Variants in ST8SIA2 observed in about 807,000 individuals in gnomAD.
ST8SIA2 encodes the protein ST8 alpha-N-acetyl-neuraminide alpha-2,8-sialyltransferase 2, also known as alpha-2,8-sialyltransferase 8B.
In ST8SIA2, 22 loss-of-function variants were observed where a neutral mutation model predicts 37.6. The ratio of observed to expected loss-of-function variants is 0.58; its 90% CI spans 0.42 to 0.83. The LOEUF is 0.83. Ranked by LOEUF, ST8SIA2 falls within the 40% of genes least tolerant of loss-of-function variation. The pLI is 0.00. For synonymous variants in ST8SIA2, 205 were observed against 201.2 expected, an observed-to-expected ratio of 1.02 and a Z score of -0.16; for missense variants, 382 against 484.7, an observed-to-expected ratio of 0.79 and a Z score of 1.99.
At chr15:92,450,447 A>C (rs1256089404) in intron 5 of ST8SIA2, among the ~76,000 whole-genome samples, 1 of 152,242 alleles carries the variant, frequency 6.6e-6, no homozygotes. Context: ...TAATTTATAA[A>C]GAAAAGAGGT....
rs1465277776 is a variant in ST8SIA2, at chr15:92,401,173, C to T, written c.98+7011C>T. Among the ~76,000 whole-genome samples the T allele has an allele frequency of 2.0e-5, 3 of 152,142 alleles. 1 individual carries two copies. Among genetic ancestry groups the T allele is most frequent in the African/African-American group, 4.8e-5 (2 of 41,430 alleles). ...GGAGGGACAGGAACATGAAAGCCAC[C>T]AGCTGGGTGAGTCAGGTGGCTATCT... On this transcript the variant is annotated intron_variant, in intron 1 of 5. Coordinates refer to ENST00000268164, the MANE Select transcript of ST8SIA2 (RefSeq NM_006011.4).
chr15:92,460,165 T>A (rs1034246777), intron 5 of ST8SIA2, among the ~76,000 whole-genome samples: 2 of 152,126 alleles, frequency 1.3e-5, no homozygotes, highest in African/African-American at 4.8e-5. Context: ...TCCTGACACT[T>A]CTTCTTTTTC....
In ST8SIA2 at chr15:92,448,540, C is replaced by T. The variant is rs555175144; in HGVS notation, c.842+3611C>T. 3.3e-3 allele frequency among the ~76,000 whole-genome samples: 499 copies of T among 152,318 alleles called. 4 individuals carry two copies. Among genetic ancestry groups the T allele is most frequent in the Non-Finnish European group, 5.3e-3 (358 of 68,028 alleles). ...TCAAAACCATGGGCTTTGGCAGTAG[C>T]GACACCTCCAAAGGGTCCAGACCCC... On this transcript the variant is annotated intron_variant, in intron 5 of 5. Coordinates refer to ENST00000268164, the MANE Select transcript of ST8SIA2 (RefSeq NM_006011.4).
chr15:92,451,540 C>T (rs1394324385), intron 5 of ST8SIA2, among the ~76,000 whole-genome samples: 2 of 152,136 alleles, frequency 1.3e-5, no homozygotes, highest in Admixed American at 6.5e-5. Flanking sequence ...GTTTGGCTGC[C>T]CCTTCACAAC....
At chr15:92,445,892 A>C (rs1287301963) in intron 5 of ST8SIA2, among the ~76,000 whole-genome samples, 2 of 152,164 alleles carry the variant, frequency 1.3e-5, no homozygotes, top group Non-Finnish European at 2.9e-5. Flanking sequence ...CCTCCCATTC[A>C]TGTGACCTGG....
At chr15:92,426,024 AAC>A (rs2049673158) in intron 1 of ST8SIA2, among the ~76,000 whole-genome samples, 1 of 152,112 alleles carries the variant, frequency 6.6e-6, no homozygotes, top group Admixed American at 6.5e-5. Flanking sequence ...AGACATGGTT[AAC>A]ACGCCCCCTC....
chr15:92,443,402 AGCAGAGGCTGCTCACCCAGGCAGCCT>A (rs2049817281), intron 4 of ST8SIA2, among the ~76,000 whole-genome samples: 1 of 152,240 alleles, frequency 6.6e-6, no homozygotes, highest in Non-Finnish European at 1.5e-5. Flanking sequence ...CAGGTTAAAT[AGCAGAGGCTGCTCACCCAGGCAGCCT>A]GATTGTCAGC....
At chr15:92,405,560 C>A (rs572202145) in intron 1 of ST8SIA2, among the ~76,000 whole-genome samples, 55 of 132,596 alleles carry the variant, frequency 4.1e-4, no homozygotes, top group African/African-American at 1.3e-3. Context: ...TCGGGACACA[C>A]TGACTTATTT....
At chr15:92,423,199 G>T (rs917301008) in intron 1 of ST8SIA2, among the ~76,000 whole-genome samples, 27 of 152,214 alleles carry the variant, frequency 1.8e-4, no homozygotes, top group African/African-American at 6.3e-4. Flanking sequence ...TGATGCAAAA[G>T]TTCTGGAGAC....
intron 1 of ST8SIA2, among the ~76,000 whole-genome samples, chr15:92,408,686 T>G (rs2049526828): frequency 8.9e-6 from 1 of 112,674 alleles, no homozygotes. Context: ...TTTTTATTTA[T>G]TTATTTATTT....
At chr15:92,445,996 A>G (rs939252458) in intron 5 of ST8SIA2, among the ~76,000 whole-genome samples, 1 of 151,632 alleles carries the variant, frequency 6.6e-6, no homozygotes, top group African/African-American at 2.4e-5. Flanking sequence ...AATATTAATC[A>G]TTCATTCACT....
chr15:92,453,784 C>T (rs964671901), intron 5 of ST8SIA2, among the ~76,000 whole-genome samples: 5 of 152,158 alleles, frequency 3.3e-5, no homozygotes, highest in Non-Finnish European at 4.4e-5. Context: ...TCTTTAGGCA[C>T]CAGTAGGCTC....
At chr15:92,416,016 T>C (rs2049583583) in intron 1 of ST8SIA2, among the ~76,000 whole-genome samples, 1 of 151,958 alleles carries the variant, frequency 6.6e-6, no homozygotes, top group African/African-American at 2.4e-5. Flanking sequence ...CAGGGGTCGG[T>C]AAGAGAGACT....
At position 92,464,387 on chromosome 15, in the gene ST8SIA2, G is replaced by A. The variant is rs552051358; in HGVS notation, c.*2G>A. 1 of 1,613,300 alleles carries A rather than the reference G, an allele frequency of 6.2e-7. No homozygotes were observed. Among genetic ancestry groups the A allele is most frequent in the Non-Finnish European group, 8.5e-7 (1 of 1,180,030 alleles). On this transcript the variant is annotated 3_prime_UTR_variant, in exon 6 of 6. Coordinates refer to ENST00000268164, the MANE Select transcript of ST8SIA2 (RefSeq NM_006011.4). ...GGCCAGTGCGATGGGGCCACGTAGG[G>A]TGGGCACCCCATGGGACTCAGTGGC...
chr15:92,440,570 G>A (rs930478527), intron 4 of ST8SIA2, among the ~76,000 whole-genome samples: 3 of 152,182 alleles, frequency 2.0e-5, no homozygotes, highest in African/African-American at 7.2e-5. Flanking sequence ...TTGTCCCTTA[G>A]GCCTATGTCC....
chr15:92,412,280 GA>G (rs1272680658), intron 1 of ST8SIA2, among the ~76,000 whole-genome samples: 1 of 151,446 alleles, frequency 6.6e-6, no homozygotes, highest in African/African-American at 2.4e-5. Context: ...AGGAGGGAAG[GA>G]AGGGGGGAGA....
At chr15:92,438,887 G>A (rs899270656) in intron 4 of ST8SIA2, among the ~76,000 whole-genome samples, 3 of 152,180 alleles carry the variant, frequency 2.0e-5, no homozygotes, top group African/African-American at 7.2e-5. Flanking sequence ...TTACAGCCAA[G>A]GTTGAGAATC....
At chr15:92,416,509 G>A (rs1003570046) in intron 1 of ST8SIA2, among the ~76,000 whole-genome samples, 3 of 152,166 alleles carry the variant, frequency 2.0e-5, no homozygotes, top group Non-Finnish European at 4.4e-5. Flanking sequence ...CATCCTGAGG[G>A]GCTGGGAAAG....
At chr15:92,424,284 C>T (rs1191076130) in intron 1 of ST8SIA2, among the ~76,000 whole-genome samples, 2 of 152,166 alleles carry the variant, frequency 1.3e-5, no homozygotes, top group Non-Finnish European at 2.9e-5. Flanking sequence ...TTCCAACATA[C>T]TGGACCTTAC....
Sources: allele counts gnomAD v4.1 joint callset (sites outside exome capture counted in the v4.1 genomes callset), GRCh38; gene constraint gnomAD v4.1.1; transcripts MANE v1.5; gene names NCBI Gene and HGNC (gene_info 2026-07-23, HGNC 2026-07-21).